Variants in ARHGAP26 observed in about 807,000 individuals in gnomAD.
ARHGAP26 encodes Rho GTPase activating protein 26, also known as rho GTPase-activating protein 26.
ARHGAP26 carries 38 observed loss-of-function variants against 104.8 expected under a neutral mutation model. The observed-to-expected ratio is 0.36, with a 90% CI of 0.28 to 0.48. The LOEUF is 0.48. Among genes scored for constraint, ARHGAP26 ranks in the 20% least tolerant of loss-of-function variants. The probability of loss-of-function intolerance (pLI) is 0.99; values close to 1 mark genes in which losing one functional copy is unlikely to be tolerated. For missense variants in ARHGAP26, 704 were observed against 947.9 expected, an observed-to-expected ratio of 0.74 and a Z score of 3.38; for synonymous variants, 341 against 340.0, an observed-to-expected ratio of 1.00 and a Z score of -0.03.
rs142642491 is a variant in ARHGAP26 at position 142,863,235 on chromosome 5, C to T, written c.155-10165C>T. 1.3e-3 allele frequency among the ~76,000 whole-genome samples: 204 copies of T among 152,104 alleles called. No homozygotes were observed. The East Asian group carries it at 0.031, about 23-fold the overall frequency. On this transcript the variant is annotated intron_variant, in intron 1 of 22. Coordinates refer to ENST00000645722, the MANE Select transcript of ARHGAP26 (RefSeq NM_001135608.3). The stretch of plus-strand genomic sequence containing the variant: ...AAGCGATTCTCCTGCCTCAGCCTCC[C>T]GAGTAGCTGTGATTACAGGTGCCCA...
intron 1 of ARHGAP26, among the ~76,000 whole-genome samples, chr5:142,787,649 G>A (rs1561840350): frequency 6.6e-6 from 1 of 152,040 alleles, no homozygotes; most frequent in African/African-American, 2.4e-5. Context: ...GTCTACATAG[G>A]TTAGTCATTA....
rs1161043498 is a variant in ARHGAP26, at chr5:142,883,335, A to G, written c.385-1963A>G. ...CATTTGGAGTTGGAGCCCCAGTTCA[A>G]AGTTGCTGGTTTCACTAATGGAAAA... On this transcript the variant is annotated intron_variant, in intron 4 of 22. Transcript: ENST00000645722. Among the ~76,000 whole-genome samples, 24 of 152,174 alleles carry G rather than the reference A, an allele frequency of 1.6e-4. 1 individual carries two copies. The highest frequency in any genetic ancestry group is 1.6e-3 in the Admixed American group (24 of 15,268).
At chr5:142,921,168 C>G (rs940851412) in intron 10 of ARHGAP26, among the ~76,000 whole-genome samples, 2 of 152,240 alleles carry the variant, frequency 1.3e-5, no homozygotes, top group African/African-American at 4.8e-5. Flanking sequence ...CCACTGTCAA[C>G]TCTATTCTTC....
At chr5:143,154,736 T>G (rs533207537) in intron 20 of ARHGAP26, among the ~76,000 whole-genome samples, 1 of 152,330 alleles carries the variant, frequency 6.6e-6, no homozygotes, top group African/African-American at 2.4e-5. Flanking sequence ...CCTGAAAGAT[T>G]TGGAAACCTC....
chr5:143,098,061 C>T (rs1439114127), intron 17 of ARHGAP26, among the ~76,000 whole-genome samples: 1 of 152,094 alleles, frequency 6.6e-6, no homozygotes, highest in Non-Finnish European at 1.5e-5. Context: ...TACAGAAGAA[C>T]TCTTCCTTTA....
chr5:143,158,874 CACAAACAA>C (rs10571955), intron 20 of ARHGAP26, among the ~76,000 whole-genome samples: 12 of 151,876 alleles, frequency 7.9e-5, no homozygotes, highest in African/African-American at 2.4e-4. Flanking sequence ...TGTTATTGTC[CACAAACAA>C]ACAAACAAAC....
chr5:142,854,029 A>G (rs1034255643), intron 1 of ARHGAP26, among the ~76,000 whole-genome samples: 13 of 152,230 alleles, frequency 8.5e-5, no homozygotes, highest in African/African-American at 3.1e-4. Flanking sequence ...AACCTTCATC[A>G]TCCTGGAGAT....
chr5:143,191,214 C>T (rs1381558533), intron 20 of ARHGAP26, among the ~76,000 whole-genome samples: 1 of 152,204 alleles, frequency 6.6e-6, no homozygotes, highest in African/African-American at 2.4e-5. Context: ...TTTAAACTCT[C>T]CCAGGAGTAC....
At chr5:142,833,370 C>A (rs1174592356) in intron 1 of ARHGAP26, among the ~76,000 whole-genome samples, 1 of 151,854 alleles carries the variant, frequency 6.6e-6, no homozygotes, top group Non-Finnish European at 1.5e-5. Context: ...CCTTTTATTC[C>A]TTTTTTAAAA....
At chr5:142,827,692 C>T (rs1023328284) in intron 1 of ARHGAP26, among the ~76,000 whole-genome samples, 4 of 152,192 alleles carry the variant, frequency 2.6e-5, no homozygotes, top group African/African-American at 9.7e-5. Context: ...GTTCCTGGCT[C>T]TGCTGCTTAC....
intron 1 of ARHGAP26, among the ~76,000 whole-genome samples, chr5:142,853,235 A>T (rs866903830): frequency 6.6e-6 from 1 of 151,888 alleles, no homozygotes; most frequent in African/African-American, 2.4e-5. Context: ...CCTAGGCTGG[A>T]GTGCACTGTT....
At chr5:142,859,504 T>C (rs573339041) in intron 1 of ARHGAP26, 1 of 152,332 alleles carries the variant, frequency 6.6e-6, no homozygotes, top group South Asian at 2.1e-4. Context: ...TTTTAAATTA[T>C]TAGTATGAAC....
chr5:142,973,833 G>A (rs903029846), intron 11 of ARHGAP26, among the ~76,000 whole-genome samples: 9 of 151,620 alleles, frequency 5.9e-5, no homozygotes, highest in African/African-American at 1.9e-4. Flanking sequence ...AAGACTCTCC[G>A]TTGGTTTAGG....
intron 12 of ARHGAP26, among the ~76,000 whole-genome samples, chr5:143,022,523 G>A (rs1780500220): frequency 6.6e-6 from 1 of 152,236 alleles, no homozygotes; most frequent in African/African-American, 2.4e-5. Flanking sequence ...AAATGAGCAG[G>A]TGTGGGTGTT....
At chr5:143,156,427 G>A (rs1800467910) in intron 20 of ARHGAP26, among the ~76,000 whole-genome samples, 1 of 152,154 alleles carries the variant, frequency 6.6e-6, no homozygotes, top group African/African-American at 2.4e-5. Context: ...TCTGTGCACT[G>A]GTTCTCAGAG....
chr5:143,044,606 G>A (rs535281489), intron 14 of ARHGAP26, among the ~76,000 whole-genome samples: 187 of 152,170 alleles, frequency 1.2e-3, no homozygotes, highest in African/African-American at 4.4e-3. Flanking sequence ...GGTGGGGACG[G>A]GGTTAGTCCC....
chr5:143,029,400 T>G (rs1039308736), intron 12 of ARHGAP26, among the ~76,000 whole-genome samples: 34 of 110,436 alleles, frequency 3.1e-4, no homozygotes, highest in Admixed American at 1.2e-3. Context: ...CAGTTTTTTT[T>G]TTTTTTTTTT....
At chr5:142,968,603 T>C (rs1479921124) in intron 11 of ARHGAP26, among the ~76,000 whole-genome samples, 1 of 152,254 alleles carries the variant, frequency 6.6e-6, no homozygotes, top group Non-Finnish European at 1.5e-5. Flanking sequence ...TGTGTATATA[T>C]TTACATGCAT....
intron 5 of ARHGAP26, among the ~76,000 whole-genome samples, chr5:142,888,105 G>A (rs1406615061): frequency 1.3e-5 from 2 of 152,236 alleles, no homozygotes; most frequent in African/African-American, 4.8e-5. Context: ...TGGGTATGGT[G>A]TTAAGCACTT....
Sources: gnomAD v4.1 joint callset for allele counts (sites outside exome capture counted in the v4.1 genomes callset) on GRCh38, gnomAD v4.1.1 for gene constraint, MANE v1.5 for transcripts, NCBI Gene and HGNC (gene_info 2026-07-23, HGNC 2026-07-21) for gene names.